The following MCM3 variants were observed in gnomAD, a reference collection of about 807,000 sequenced individuals.
MCM3 encodes the protein minichromosome maintenance complex component 3.
A neutral mutation model predicts 91.3 loss-of-function variants in MCM3; 59 were observed. The ratio of observed to expected loss-of-function variants is 0.65; its 90% CI spans 0.52 to 0.80. The LOEUF (loss-of-function observed/expected upper bound fraction) is 0.80, where lower values mean the gene tolerates loss of function less well. Ranked by LOEUF, MCM3 falls within the 30% of genes least tolerant of loss-of-function variation. The pLI is 0.00. For synonymous variants in MCM3, 383 were observed against 379.6 expected (o/e 1.01, Z -0.10); for missense variants, 919 against 1,035.4 (o/e 0.89, Z 1.54).
chr6:52,273,980 G>T, intron 9 of MCM3, 64 bp from the exon 10 acceptor site: 1 of 1,356,556 alleles, frequency 7.4e-7, no homozygotes, highest in Non-Finnish European at 1.0e-6. Flanking sequence ...CAACAAGGCT[G>T]CTGCAGTTCT....
At chr6:52,283,949 A>G (rs942141224) in intron 1 of MCM3, among the ~76,000 whole-genome samples, 7 of 152,180 alleles carry the variant, frequency 4.6e-5, no homozygotes, top group Admixed American at 6.5e-5. Flanking sequence ...AAAAAGTAAT[A>G]TTTTTTCCAA....
rs1425602208 is a variant in MCM3 at position 52,277,676 on chromosome 6, G to A, written c.892C>T (p.Gln298Ter). The A allele has an allele frequency of 1.2e-6, 2 of 1,613,698 alleles. No homozygotes were observed. Among genetic ancestry groups the A allele is most frequent in the South Asian group, 1.1e-5 (1 of 91,044 alleles). ...SKTRSKDIFD[Q>*]LAKSLAPSIH... ...CTTGGGGCCAATGACTTGGCCAGCT[G>A]GTCAAAGATATCCTACAGGAGAAAT... Residue 298 changes from glutamine to a stop codon, truncating the protein, a stop_gained, in exon 7 of 17, where the codon CAG becomes TAG. Coordinates refer to ENST00000596288, the MANE Select transcript of MCM3 (RefSeq NM_002388.6). LOFTEE classifies it high-confidence loss of function.
intron 11 of MCM3, 114 bp downstream of exon 11, chr6:52,273,116 C>T (rs996120678): frequency 7.9e-7 from 1 of 1,258,696 alleles, no homozygotes; most frequent in African/African-American, 1.5e-5. Flanking sequence ...GGTTATGACT[C>T]CAGGCATGGC....
intron 15 of MCM3, 91 bp downstream of exon 15, chr6:52,266,520 G>C: frequency 2.6e-6 from 3 of 1,144,762 alleles, no homozygotes; most frequent in Non-Finnish European, 3.9e-6. Context: ...AAACAAACAG[G>C]AGTCCACAAG....
chr6:52,268,453 A>T (rs1764819893), intron 13 of MCM3, among the ~76,000 whole-genome samples: 1 of 152,210 alleles, frequency 6.6e-6, no homozygotes, highest in Admixed American at 6.5e-5. Flanking sequence ...CTCACAACTC[A>T]ACCCTTAACC....
At chr6:52,267,096 C>CTTTTTTTTTT (rs70977337) in intron 14 of MCM3, among the ~76,000 whole-genome samples, 1,393 of 111,374 alleles carry the variant, frequency 0.013, 77 homozygotes, top group Middle Eastern at 0.029. Flanking sequence ...AGGGTATCTT[C>CTTTTTTTTTT]TTTTTTTTTT....
At chr6:52,283,949 A>AT (rs921020570) in intron 1 of MCM3, among the ~76,000 whole-genome samples, 4 of 152,180 alleles carry the variant, frequency 2.6e-5, no homozygotes, top group Non-Finnish European at 5.9e-5. Flanking sequence ...AAAAAGTAAT[A>AT]TTTTTTCCAA....
At chr6:52,272,616 TTTAA>T (rs1296954501) in intron 11 of MCM3, among the ~76,000 whole-genome samples, 165 bp from the exon 12 acceptor site, 2 of 152,222 alleles carry the variant, frequency 1.3e-5, no homozygotes, top group African/African-American at 4.8e-5. Flanking sequence ...CATATTTTTA[TTTAA>T]TTATTACAGG....
At chr6:52,276,952 TA>T in intron 8 of MCM3, 114 bp downstream of exon 8, 1 of 1,269,102 alleles carries the variant, frequency 7.9e-7, no homozygotes, top group Non-Finnish European at 1.1e-6. Context: ...CAGTCCTCTA[TA>T]ATCTGGACCC....
At position 52,284,650 on chromosome 6, in the gene MCM3, C is replaced by G; in HGVS notation, c.25G>C (p.Asp9His). MAGTVVLD[D>H]VELREAQRDY... ...CTCTGAGCCTCCCGCAGCTCCACAT[C>G]GTCCAGCACCACGGTACCCGCCATG... Residue 9 changes from aspartate (D) to histidine (H), a missense_variant, in exon 1 of 17, where the codon GAT becomes CAT. Physicochemically the swap from Asp to His is moderately conservative, Grantham distance 81 (BLOSUM62 -1). This residue lies in a region of MCM3 where 401 missense variants were observed against 402.7 expected (regional missense o/e 1.00). Transcript: ENST00000596288. 6.2e-7 allele frequency: 1 copy of G among 1,602,394 alleles called. No individual in the cohort carries two copies. Among genetic ancestry groups the G allele is most frequent in the Non-Finnish European group, 8.5e-7 (1 of 1,175,506 alleles).
At chr6:52,276,078 C>T (rs945045360) in intron 9 of MCM3, 190 bp downstream of exon 9, 15 of 589,134 alleles carry the variant, frequency 2.5e-5, no homozygotes, top group Middle Eastern at 4.5e-4. Context: ...AGGAACTTTC[C>T]AGGGGATTCT....
At chr6:52,279,269 A>C in intron 5 of MCM3, 92 bp downstream of exon 5, 1 of 1,081,104 alleles carries the variant, frequency 9.2e-7, no homozygotes, top group Non-Finnish European at 1.4e-6. Context: ...TATCAGATAT[A>C]ACTCTCTGGA....
intron 10 of MCM3, 72 bp downstream of exon 10, chr6:52,273,670 G>A: frequency 6.8e-7 from 1 of 1,474,776 alleles, no homozygotes; most frequent in Non-Finnish European, 9.2e-7. Context: ...CCACCACCTG[G>A]GTTGGGCCTG....
chr6:52,272,222 C>T, intron 12 of MCM3, 79 bp downstream of exon 12: 1 of 1,451,902 alleles, frequency 6.9e-7, no homozygotes, highest in Non-Finnish European at 9.2e-7. Flanking sequence ...AAAATGCTTT[C>T]AAAGCTCCCA....
Position 52,284,637 on chromosome 6 carries a change from C to T in MCM3, c.38G>A (p.Arg13Gln). 1.2e-6 allele frequency: 2 copies of T among 1,607,164 alleles called. No individual in the cohort carries two copies. The highest frequency in any genetic ancestry group is 1.7e-6 in the Non-Finnish European group (2 of 1,177,738). Residue 13 changes from arginine to glutamine, a missense_variant, in exon 1 of 17, where the codon CGG (arginine) becomes CAG (glutamine). Physicochemically the swap from Arg to Gln is conservative, Grantham distance 43 (BLOSUM62 1). This residue lies in a region of MCM3 where 401 missense variants were observed against 402.7 expected (regional missense o/e 1.00). Transcript: ENST00000596288. Reference sequence around the variant, plus strand: ...GTCCAGGTAATCTCTCTGAGCCTCCCGCAGCTCCACATCGTCCAGCACCAC... The same window carrying T: ...GTCCAGGTAATCTCTCTGAGCCTCCTGCAGCTCCACATCGTCCAGCACCAC... ...GTVVLDDVEL[R>Q]EAQRDYLDFL...
At position 52,264,758 on chromosome 6, in the gene MCM3, C is replaced by A. The variant is rs1239314599; in HGVS notation, c.2257G>T (p.Asp753Tyr). The A allele has an allele frequency of 1.2e-6, 2 of 1,614,026 alleles. No homozygotes were observed. The highest frequency in any genetic ancestry group is 1.1e-5 in the South Asian group (1 of 91,070). Residue 753 changes from aspartate to tyrosine, a missense_variant, in exon 17 of 17, where the codon GAT becomes TAT. By Grantham distance (160) the Asp-to-Tyr change is radical. Transcript: ENST00000596288. ...TGCGCATGAGCTTCCCGGAACACATCCAAGAGGGCCACCTTGAATGCCTTC... is the reference window on the plus strand; with the variant it reads ...TGCGCATGAGCTTCCCGGAACACATACAAGAGGGCCACCTTGAATGCCTTC... ...RLKAFKVALL[D>Y]VFREAHAQSI... is the part of the protein sequence containing the mutation.
Position 52,264,368 on chromosome 6 carries a change from C to T in MCM3, c.*220G>A. 1 of 545,636 alleles carries T rather than the reference C, an allele frequency of 1.8e-6. No homozygotes were observed. Among genetic ancestry groups the T allele is most frequent in the South Asian group, 2.1e-5 (1 of 47,784 alleles). The allele number at this position is 545,636 out of a possible 1,614,324, so 33.8% of individuals were successfully genotyped here. On this transcript the variant is annotated 3_prime_UTR_variant, in exon 17 of 17. Coordinates refer to ENST00000596288, the MANE Select transcript of MCM3 (RefSeq NM_002388.6). ...CAATGAAGATGCAATAGTCATTGTC[C>T]TCTCCCACTGTCTCCTCTTTCCTCA...
At chr6:52,266,475 C>T in intron 15 of MCM3, 136 bp downstream of exon 15, 1 of 790,494 alleles carries the variant, frequency 1.3e-6, no homozygotes, top group East Asian at 2.4e-5. Context: ...TCTCTTGGGA[C>T]AAACCTCTTG....
At position 52,264,426 on chromosome 6, in the gene MCM3, G is replaced by C. The variant is rs944687330; in HGVS notation, c.*162C>G. 1.4e-6 allele frequency: 1 copy of C among 698,988 alleles called. No individual in the cohort carries two copies. Among genetic ancestry groups the C allele is most frequent in the Admixed American group, 2.7e-5 (1 of 37,280 alleles). 43.3% of individuals were successfully genotyped at this position (698,988 alleles called of 1,614,324 possible). ...GCAGCTTTCATGACCCATTCCCAAAGGGTCCACCGAGTCCTGAACTCAGCT... is the reference window on the plus strand; with the variant it reads ...GCAGCTTTCATGACCCATTCCCAAACGGTCCACCGAGTCCTGAACTCAGCT... On this transcript the variant is annotated 3_prime_UTR_variant, in exon 17 of 17. Coordinates refer to ENST00000596288, the MANE Select transcript of MCM3 (RefSeq NM_002388.6).
Sources: allele counts gnomAD v4.1 joint callset (sites outside exome capture counted in the v4.1 genomes callset), GRCh38; gene constraint gnomAD v4.1.1; regional missense constraint gnomAD v4.1.1; transcripts MANE v1.5; gene names NCBI Gene and HGNC (gene_info 2026-07-23, HGNC 2026-07-21).